NAV2: variants seen among roughly 807,000 people sequenced by gnomAD.
NAV2 encodes neuron navigator 2, also known as helicase, APC down-regulated 1.
In NAV2, 54 loss-of-function variants were observed where a neutral mutation model predicts 223.2. The ratio of observed to expected loss-of-function variants is 0.24; its 90% CI spans 0.19 to 0.30. The LOEUF (loss-of-function observed/expected upper bound fraction) is 0.30, where lower values mean the gene tolerates loss of function less well. Among genes scored for constraint, NAV2 ranks in the 10% least tolerant of loss-of-function variants. The pLI is 1.00. For synonymous variants in NAV2, 1,279 were observed against 1,239.3 expected (o/e 1.03, Z -0.67); for missense variants, 2,806 against 3,147.5 (o/e 0.89, Z 2.60).
chr11:19,608,080 T>C (rs754322021), intron 1 of NAV2, among the ~76,000 whole-genome samples: 3 of 152,184 alleles, frequency 2.0e-5, no homozygotes, highest in Non-Finnish European at 2.9e-5. Flanking sequence ...TGGTTACCCA[T>C]CAATAGCAGG....
At chr11:20,040,518 C>G (rs899597916) in intron 12 of NAV2, among the ~76,000 whole-genome samples, 2 of 152,136 alleles carry the variant, frequency 1.3e-5, no homozygotes, top group African/African-American at 4.8e-5. Context: ...AGTGGCAGCA[C>G]CGAACACTTG....
At chr11:20,022,828 C>T (rs1230805324) in intron 11 of NAV2, 1 of 1,265,904 alleles carries the variant, frequency 7.9e-7, no homozygotes, top group Non-Finnish European at 9.9e-7. Flanking sequence ...TTAGCTTTTG[C>T]TTTGCTGAAA....
chr11:19,615,326 G>A (rs1373000277), intron 1 of NAV2, among the ~76,000 whole-genome samples: 1 of 151,900 alleles, frequency 6.6e-6, no homozygotes. Context: ...AAAACTTGCT[G>A]AACTCCTCTG....
At chr11:19,548,257 G>A (rs2044568755) in intron 1 of NAV2, among the ~76,000 whole-genome samples, 2 of 152,214 alleles carry the variant, frequency 1.3e-5, no homozygotes. Flanking sequence ...AAACAGCAAA[G>A]ATGTGAGTAG....
chr11:19,656,228 G>C (rs1376829952), intron 1 of NAV2, among the ~76,000 whole-genome samples: 3 of 152,192 alleles, frequency 2.0e-5, no homozygotes, highest in African/African-American at 7.2e-5. Context: ...CATTACCAGG[G>C]AGAAGAGCTG....
At chr11:20,039,429 C>CTCCCTTCCTCCCTCCTCTCCT (rs2056706458) in intron 12 of NAV2, among the ~76,000 whole-genome samples, 1 of 152,056 alleles carries the variant, frequency 6.6e-6, no homozygotes, top group Non-Finnish European at 1.5e-5. Context: ...TTATCTCTCC[C>CTCCCTTCCTCCCTCCTCTCCT]TCCCTTCCTC....
chr11:19,473,586 C>T (rs1422955813), intron 1 of NAV2, among the ~76,000 whole-genome samples: 1 of 152,148 alleles, frequency 6.6e-6, no homozygotes, highest in Non-Finnish European at 1.5e-5. Context: ...TTTCACCTTT[C>T]TGCCCATGTT....
At chr11:20,098,680 T>C (rs2061438943) in intron 31 of NAV2, among the ~76,000 whole-genome samples, 1 of 152,224 alleles carries the variant, frequency 6.6e-6, no homozygotes, top group South Asian at 2.1e-4. Flanking sequence ...AAGTGGTACA[T>C]ATTGCTTGAG....
chr11:19,957,782 G>T (rs1276307128), intron 10 of NAV2, among the ~76,000 whole-genome samples: 1 of 152,204 alleles, frequency 6.6e-6, no homozygotes, highest in Non-Finnish European at 1.5e-5. Context: ...GGATTAAAAA[G>T]AGATTTACTG....
Position 19,832,839 on chromosome 11 carries a change from C to A in NAV2, c.385+238C>A, listed in dbSNP as rs575789231. 2.0e-5 allele frequency among the ~76,000 whole-genome samples: 3 copies of A among 152,286 alleles called. No homozygotes were observed. In the South Asian group the frequency reaches 6.2e-4, roughly 32 times the overall value. On this transcript the variant is annotated intron_variant, in intron 2 of 37. Coordinates refer to ENST00000349880, the MANE Select transcript of NAV2 (RefSeq NM_145117.5). ...TTGATTCTCTTAGAAGAAAGGCTGG[C>A]CAAGGCCAGAGGGAAATGCTGGTGG...
chr11:19,831,995 A>G (rs2059970666), intron 1 of NAV2, among the ~76,000 whole-genome samples: 1 of 152,190 alleles, frequency 6.6e-6, no homozygotes, highest in Non-Finnish European at 1.5e-5. Context: ...GCTTCTTTTC[A>G]AGGGACCCAG....
intron 1 of NAV2, among the ~76,000 whole-genome samples, chr11:19,545,027 A>G (rs1254351879): frequency 6.6e-6 from 1 of 152,212 alleles, no homozygotes; most frequent in Non-Finnish European, 1.5e-5. Context: ...AGCCCCAGAG[A>G]CAGCAAAGCA....
In NAV2 at chr11:19,735,314, A is replaced by G. The variant is rs185259323; in HGVS notation, c.267+21352A>G. Among the ~76,000 whole-genome samples, 47 of 152,298 alleles carry G rather than the reference A, an allele frequency of 3.1e-4. 1 individual carries two copies. The highest frequency in any genetic ancestry group is 2.1e-3 in the Admixed American group (32 of 15,298). ...CACGCTCCCTGGCTCTCTCTGCCAG[A>G]AAAATGGGTGGTACTAGAGAGTCTG... On this transcript the variant is annotated intron_variant, in intron 1 of 37. Transcript: ENST00000349880.
chr11:19,804,685 C>T (rs532984598), intron 1 of NAV2, among the ~76,000 whole-genome samples: 1 of 152,270 alleles, frequency 6.6e-6, no homozygotes, highest in East Asian at 1.9e-4. Context: ...ATCTGATAGA[C>T]ATTTATTGGC....
At position 19,811,902 on chromosome 11, in the gene NAV2, T is replaced by A. The variant is rs571369953; in HGVS notation, c.268-20582T>A. Among the ~76,000 whole-genome samples the A allele has an allele frequency of 6.6e-5, 10 of 152,258 alleles. No individual in the cohort carries two copies. The East Asian group carries it at 1.7e-3, about 26-fold the overall frequency. Reference sequence around the variant, plus strand: ...CTGGTCTAGTGGCTGAGAACTGCAGTGGTGAGCAAAACAGATACGCGTTGT... The same window carrying A: ...CTGGTCTAGTGGCTGAGAACTGCAGAGGTGAGCAAAACAGATACGCGTTGT... On this transcript the variant is annotated intron_variant, in intron 1 of 37. Transcript: ENST00000349880.
chr11:19,784,809 G>A (rs2056986823), intron 1 of NAV2, among the ~76,000 whole-genome samples: 1 of 152,158 alleles, frequency 6.6e-6, no homozygotes, highest in South Asian at 2.1e-4. Context: ...GGGATTTTGT[G>A]AGAATTAAAT....
At chr11:19,754,220 C>T (rs918204942) in intron 1 of NAV2, among the ~76,000 whole-genome samples, 4 of 152,290 alleles carry the variant, frequency 2.6e-5, no homozygotes, top group African/African-American at 9.6e-5. Flanking sequence ...CTGGGCCTTT[C>T]TCTTTTTTCT....
chr11:20,011,346 T>C (rs1344907010), intron 11 of NAV2, among the ~76,000 whole-genome samples: 2 of 152,244 alleles, frequency 1.3e-5, no homozygotes, highest in Middle Eastern at 3.2e-3. Context: ...AAGGTTGTAA[T>C]GTTATATGAC....
chr11:19,811,530 T>C (rs2058834676), intron 1 of NAV2, among the ~76,000 whole-genome samples: 1 of 152,236 alleles, frequency 6.6e-6, no homozygotes, highest in Non-Finnish European at 1.5e-5. Context: ...CACACACTAA[T>C]GCCTTTCTTA....
Sources: allele counts gnomAD v4.1 joint callset (sites outside exome capture counted in the v4.1 genomes callset), GRCh38; gene constraint gnomAD v4.1.1; transcripts MANE v1.5; gene names NCBI Gene and HGNC (gene_info 2026-07-23, HGNC 2026-07-21).